The following EHMT1 variants were observed in gnomAD, a reference collection of about 807,000 sequenced individuals.
EHMT1 encodes histone-lysine N-methyltransferase EHMT1.
A neutral mutation model predicts 147.2 loss-of-function variants in EHMT1; 15 were observed. The observed-to-expected ratio is 0.10, with a 90% CI of 0.07 to 0.16. The LOEUF (loss-of-function observed/expected upper bound fraction) is 0.16, where lower values mean the gene tolerates loss of function less well. Ranked by LOEUF, EHMT1 falls within the 10% of genes least tolerant of loss-of-function variation. The probability of loss-of-function intolerance (pLI) is 1.00; values close to 1 mark genes in which losing one functional copy is unlikely to be tolerated. For synonymous variants in EHMT1, 795 were observed against 709.6 expected, an observed-to-expected ratio of 1.12 and a Z score of -1.91; for missense variants, 1,587 against 1,772.4, an observed-to-expected ratio of 0.90 and a Z score of 1.88.
At chr9:137,833,895 G>C (rs1328301232) in intron 25 of EHMT1, among the ~76,000 whole-genome samples, 1 of 152,232 alleles carries the variant, frequency 6.6e-6, no homozygotes, top group Non-Finnish European at 1.5e-5. Context: ...CCGCCTCCTC[G>C]TCACCAAGAC....
At chr9:137,654,377 C>T (rs1360291821) in intron 1 of EHMT1, among the ~76,000 whole-genome samples, 1 of 115,506 alleles carries the variant, frequency 8.7e-6, no homozygotes, top group Non-Finnish European at 1.7e-5. Flanking sequence ...CCACCCCTTA[C>T]CACCTCCCCC....
intron 1 of EHMT1, among the ~76,000 whole-genome samples, chr9:137,669,859 G>T (rs769532171): frequency 9.2e-5 from 14 of 151,862 alleles, no homozygotes; most frequent in East Asian, 1.9e-4. Flanking sequence ...GGGCCAAAAA[G>T]ATTTTTTTGG....
intron 21 of EHMT1, among the ~76,000 whole-genome samples, chr9:137,814,073 C>A (rs1464742552): frequency 9.1e-6 from 1 of 110,154 alleles, no homozygotes. Flanking sequence ...CCCCCCCCCG[C>A]CCCCCGCCCC....
At chr9:137,694,949 TTTCCAGCTTGACTGCCC>T (rs1447106047) in intron 1 of EHMT1, among the ~76,000 whole-genome samples, 1 of 152,168 alleles carries the variant, frequency 6.6e-6, no homozygotes, top group Non-Finnish European at 1.5e-5. Context: ...CAAGTAGCCG[TTTCCAGCTTGACTGCCC>T]TTAGAGCACA....
Position 137,716,994 on chromosome 9 carries a change from G to C in EHMT1, c.454G>C (p.Ala152Pro). The change falls in exon 3 of 27, where the codon GCA becomes CCA. Residue 152 changes from alanine (A) to proline (P), a missense_variant. Transcript: ENST00000460843. Reference protein sequence around the residue: ...TLASSLPGHAAKTLPGGAGKG... With the variant: ...TLASSLPGHAPKTLPGGAGKG... The stretch of plus-strand genomic sequence containing the variant: ...GGCCTCTTCGCTGCCTGGCCATGCT[G>C]CAAAAACCCTTCCTGGAGGGGCTGG... The C allele has an allele frequency of 6.2e-7, 1 of 1,608,086 alleles. No homozygotes were observed. The highest frequency in any genetic ancestry group is 8.5e-7 in the Non-Finnish European group (1 of 1,176,236).
intron 1 of EHMT1, among the ~76,000 whole-genome samples, chr9:137,634,711 T>C (rs563239235): frequency 1.7e-4 from 25 of 148,878 alleles, no homozygotes; most frequent in East Asian, 1.6e-3. Context: ...TTCTTTCTTT[T>C]TTTTTTTTTT....
chr9:137,624,619 C>A (rs1843140793), intron 1 of EHMT1, among the ~76,000 whole-genome samples: 1 of 151,970 alleles, frequency 6.6e-6, no homozygotes. Flanking sequence ...CATGCCTGGA[C>A]TCCAGCTGAT....
intron 9 of EHMT1, among the ~76,000 whole-genome samples, chr9:137,761,101 A>G (rs1464935979): frequency 6.6e-6 from 1 of 152,234 alleles, no homozygotes; most frequent in African/African-American, 2.4e-5. Flanking sequence ...AACCAGAAGC[A>G]CGTTGGGAGC....
chr9:137,825,577 A>G (rs1476581917), intron 25 of EHMT1, among the ~76,000 whole-genome samples: 1 of 152,202 alleles, frequency 6.6e-6, no homozygotes, highest in African/African-American at 2.4e-5. Flanking sequence ...CTGACCCATC[A>G]CAGTCAGAAG....
At chr9:137,645,606 G>T (rs1415652670) in intron 1 of EHMT1, among the ~76,000 whole-genome samples, 1 of 152,220 alleles carries the variant, frequency 6.6e-6, no homozygotes, top group Non-Finnish European at 1.5e-5. Context: ...CCTGTAGGTG[G>T]TTAAAGGAAG....
rs182684209 is a variant in EHMT1, at chr9:137,619,539, C to T, written c.21+490C>T. Among the ~76,000 whole-genome samples the T allele has an allele frequency of 2.0e-5, 3 of 152,238 alleles. No individual in the cohort carries two copies. In the East Asian group the frequency reaches 5.8e-4, roughly 30 times the overall value. ...CGCTTCGTTGACCTTTCACTTTGTT[C>T]TGAGTAGGATGGCACCATCTTTAAC... On this transcript the variant is annotated intron_variant, in intron 1 of 26. Coordinates refer to ENST00000460843, the MANE Select transcript of EHMT1 (RefSeq NM_024757.5).
chr9:137,639,549 C>T (rs1233722632), intron 1 of EHMT1, among the ~76,000 whole-genome samples: 1 of 152,198 alleles, frequency 6.6e-6, no homozygotes, highest in East Asian at 1.9e-4. Flanking sequence ...ACACTTCTCT[C>T]ATTATGAAAT....
intron 1 of EHMT1, among the ~76,000 whole-genome samples, chr9:137,637,824 G>C (rs896616298): frequency 6.6e-6 from 1 of 152,154 alleles, no homozygotes; most frequent in Non-Finnish European, 1.5e-5. Context: ...TTTGTTGGAA[G>C]CTTTAAAAAT....
At chr9:137,711,653 G>T (rs183975601) in intron 2 of EHMT1, among the ~76,000 whole-genome samples, 4 of 152,220 alleles carry the variant, frequency 2.6e-5, no homozygotes, top group Non-Finnish European at 5.9e-5. Flanking sequence ...GAGGGGAGTC[G>T]GCGGGGCTGC....
At chr9:137,631,306 C>T (rs1219629924) in intron 1 of EHMT1, among the ~76,000 whole-genome samples, 3 of 151,778 alleles carry the variant, frequency 2.0e-5, no homozygotes, top group Non-Finnish European at 2.9e-5. Flanking sequence ...GCAGGAGAAT[C>T]GCTTGAACCC....
chr9:137,710,706 A>G, intron 1 of EHMT1, among the ~76,000 whole-genome samples: 1 of 152,188 alleles, frequency 6.6e-6, no homozygotes, highest in Admixed American at 6.5e-5. Context: ...CTAATTATAT[A>G]AATGATACAT....
intron 25 of EHMT1, among the ~76,000 whole-genome samples, chr9:137,821,074 T>C (rs1955377255): frequency 2.0e-5 from 3 of 152,206 alleles, no homozygotes; most frequent in Non-Finnish European, 4.4e-5. Context: ...AGACAGGGTT[T>C]CACCATGTTA....
At chr9:137,676,769 C>T (rs966190269) in intron 1 of EHMT1, among the ~76,000 whole-genome samples, 2 of 152,164 alleles carry the variant, frequency 1.3e-5, no homozygotes, top group Non-Finnish European at 2.9e-5. Context: ...TGGGTGGGGT[C>T]ACGGAATTCC....
chr9:137,690,551 A>G (rs1464386148), intron 1 of EHMT1, among the ~76,000 whole-genome samples: 3 of 151,024 alleles, frequency 2.0e-5, no homozygotes, highest in African/African-American at 7.3e-5. Context: ...GTCGAAGAAT[A>G]TATCTTGTTT....
Sources: allele counts gnomAD v4.1 joint callset (sites outside exome capture counted in the v4.1 genomes callset), GRCh38; gene constraint gnomAD v4.1.1; transcripts MANE v1.5; gene names NCBI Gene and HGNC (gene_info 2026-07-23, HGNC 2026-07-21).